The following SLC13A3 variants were observed in gnomAD, a reference collection of about 807,000 sequenced individuals.
SLC13A3 encodes the protein Na(+)/dicarboxylate cotransporter 3.
SLC13A3 carries 40 observed loss-of-function variants against 59.0 expected under a neutral mutation model. The observed-to-expected ratio is 0.68, with a 90% CI of 0.53 to 0.88. The LOEUF (loss-of-function observed/expected upper bound fraction) is 0.88. SLC13A3 is among the 40% of genes least tolerant of loss of function. The pLI is 0.00. For synonymous variants in SLC13A3, 317 were observed against 330.3 expected, an observed-to-expected ratio of 0.96 and a Z score of 0.44; for missense variants, 699 against 783.2, an observed-to-expected ratio of 0.89 and a Z score of 1.28.
intron 1 of SLC13A3, among the ~76,000 whole-genome samples, chr20:46,641,764 T>C (rs969545376): frequency 3.9e-5 from 6 of 152,220 alleles, no homozygotes; most frequent in African/African-American, 1.4e-4. Context: ...TCTGAGACCC[T>C]GGAGGGACTG....
intron 1 of SLC13A3, among the ~76,000 whole-genome samples, chr20:46,615,677 G>A (rs1057191009): frequency 6.6e-6 from 1 of 152,160 alleles, no homozygotes; most frequent in African/African-American, 2.4e-5. Flanking sequence ...TTACTGAGAT[G>A]GGGGAGACAC....
intron 1 of SLC13A3, among the ~76,000 whole-genome samples, chr20:46,643,906 C>T (rs1167623458): frequency 4.6e-5 from 7 of 152,060 alleles, no homozygotes; most frequent in Non-Finnish European, 7.4e-5. Flanking sequence ...GGCGTGGTGA[C>T]GTGTGCTTGT....
intron 1 of SLC13A3, among the ~76,000 whole-genome samples, chr20:46,678,331 G>A (rs1303581372): frequency 4.6e-5 from 7 of 152,216 alleles, no homozygotes; most frequent in Non-Finnish European, 1.0e-4. Context: ...TGGCTTTGGC[G>A]GCCTGGGGTC....
intron 1 of SLC13A3, among the ~76,000 whole-genome samples, chr20:46,618,707 C>G (rs2062586003): frequency 6.6e-6 from 1 of 152,214 alleles, no homozygotes; most frequent in South Asian, 2.1e-4. Flanking sequence ...GCCCCCAGAA[C>G]TGTAAGCAAT....
intron 1 of SLC13A3, among the ~76,000 whole-genome samples, chr20:46,629,470 A>T (rs2122804997): frequency 6.6e-6 from 1 of 152,350 alleles, no homozygotes; most frequent in African/African-American, 2.4e-5. Flanking sequence ...TCTTCTATTA[A>T]AGATTCCAAT....
upstream of SLC13A3, among the ~76,000 whole-genome samples, chr20:46,653,683 G>T (rs2062966774): frequency 6.6e-6 from 1 of 152,092 alleles, no homozygotes; most frequent in Admixed American, 6.5e-5. Flanking sequence ...GATTAATCTG[G>T]ATAGCTCATA....
intron 12 of SLC13A3, among the ~76,000 whole-genome samples, chr20:46,563,127 C>T (rs1053667731): frequency 6.6e-6 from 1 of 152,160 alleles, no homozygotes; most frequent in Admixed American, 6.5e-5. Flanking sequence ...TGCTTCTCTC[C>T]CCCGAAGATT....
At chr20:46,595,194 T>C (rs538568776) in intron 5 of SLC13A3, among the ~76,000 whole-genome samples, 77 of 152,344 alleles carry the variant, frequency 5.1e-4, no homozygotes, top group African/African-American at 1.7e-3. Flanking sequence ...TGCCTCGGAA[T>C]CCTGGAACCT....
intron 1 of SLC13A3, among the ~76,000 whole-genome samples, chr20:46,629,335 T>C (rs999459563): frequency 6.6e-6 from 1 of 152,214 alleles, no homozygotes; most frequent in Non-Finnish European, 1.5e-5. Context: ...ATAAGGTTTT[T>C]TAATTAAGCT....
At chr20:46,655,544 A>G (rs1042079314), upstream of SLC13A3, among the ~76,000 whole-genome samples, 1 of 147,590 alleles carries the variant, frequency 6.8e-6, no homozygotes, top group African/African-American at 2.5e-5. Flanking sequence ...TATATATACT[A>G]TACAAAAATA....
intron 3 of SLC13A3, chr20:46,609,113 A>T (rs532053558): frequency 8.1e-5 from 122 of 1,507,444 alleles, no homozygotes; most frequent in South Asian, 1.0e-4. Context: ...TTCTGCCCAC[A>T]TATGTATCAA....
intron 11 of SLC13A3, among the ~76,000 whole-genome samples, chr20:46,566,011 G>A (rs566561056): frequency 6.6e-6 from 1 of 152,310 alleles, no homozygotes; most frequent in Admixed American, 6.5e-5. Flanking sequence ...CCAGAAGAGA[G>A]AATTGGGAGC....
At chr20:46,582,149 G>A (rs757469206) in intron 9 of SLC13A3, among the ~76,000 whole-genome samples, 106 of 152,146 alleles carry the variant, frequency 7.0e-4, no homozygotes, top group Non-Finnish European at 1.4e-3. Context: ...TTGAGACAGG[G>A]TTTCACTCTG....
chr20:46,582,781 T>C (rs1380202242), intron 9 of SLC13A3: 1 of 985,232 alleles, frequency 1.0e-6, no homozygotes, highest in East Asian at 1.1e-4. Context: ...TAGTCCCTAT[T>C]TCCTGACTCC....
intron 5 of SLC13A3, among the ~76,000 whole-genome samples, chr20:46,595,029 G>A (rs141032292): frequency 1.6e-4 from 25 of 152,252 alleles, no homozygotes; most frequent in African/African-American, 4.8e-4. Flanking sequence ...TGATTCTTTG[G>A]TTGGCCAACA....
intron 1 of SLC13A3, among the ~76,000 whole-genome samples, chr20:46,658,491 T>C (rs2063008509): frequency 6.6e-6 from 1 of 152,126 alleles, no homozygotes; most frequent in African/African-American, 2.4e-5. Flanking sequence ...AATTTTATTA[T>C]ATATAGTTAT....
chr20:46,604,949 G>A (rs555878516), intron 3 of SLC13A3, among the ~76,000 whole-genome samples: 65 of 152,300 alleles, frequency 4.3e-4, no homozygotes, highest in South Asian at 3.3e-3. Flanking sequence ...TCCCACCTGG[G>A]TGCTGTGCAG....
chr20:46,560,099 C>T lies in SLC13A3; in HGVS notation c.1732G>A (p.Asp578Asn). ...QTIFQLGTFP[D>N]WADMYSVNVT... is the part of the protein sequence containing the mutation. The stretch of plus-strand genomic sequence containing the variant: ...TTGACCGAGTACATATCAGCCCAGT[C>T]CGGGAAGGTGCCCAGCTGGAAGATG... The change falls in exon 13 of 13, where the codon GAC becomes AAC. Residue 578 changes from aspartate to asparagine, a missense_variant. Asp to Asn is a conservative substitution (Grantham distance 23). Coordinates refer to ENST00000279027, the MANE Select transcript of SLC13A3 (RefSeq NM_022829.6). 6.2e-7 allele frequency: 1 copy of T among 1,614,112 alleles called. No homozygotes were observed. The highest frequency in any genetic ancestry group is 8.5e-7 in the Non-Finnish European group (1 of 1,180,030).
chr20:46,560,121 G>C lies in SLC13A3; in HGVS notation c.1710C>G (p.Ile570Met). The change falls in exon 13 of 13, where the codon ATC becomes ATG. Residue 570 changes from isoleucine (I) to methionine (M), a missense_variant. Coordinates refer to ENST00000279027, the MANE Select transcript of SLC13A3 (RefSeq NM_022829.6). ...SLAMNTWAQT[I>M]FQLGTFPDWA... Reference sequence around the variant, plus strand: ...AGTCCGGGAAGGTGCCCAGCTGGAAGATGGTCTGTGCCCAGGTATTCATAG... The same window carrying C: ...AGTCCGGGAAGGTGCCCAGCTGGAACATGGTCTGTGCCCAGGTATTCATAG... The C allele has an allele frequency of 6.2e-7, 1 of 1,614,170 alleles. No individual in the cohort carries two copies. Among genetic ancestry groups the C allele is most frequent in the Non-Finnish European group, 8.5e-7 (1 of 1,180,016 alleles).
Sources: gnomAD v4.1 joint callset for allele counts (sites outside exome capture counted in the v4.1 genomes callset) on GRCh38, gnomAD v4.1.1 for gene constraint, MANE v1.5 for transcripts, NCBI Gene and HGNC (gene_info 2026-07-23, HGNC 2026-07-21) for gene names.